The following MACROD2 variants were observed in gnomAD, a reference collection of about 807,000 sequenced individuals.
The protein encoded by MACROD2 is ADP-ribose glycohydrolase MACROD2.
MACROD2 carries 36 observed loss-of-function variants against 70.4 expected under a neutral mutation model. The ratio of observed to expected loss-of-function variants is 0.51; its 90% CI spans 0.39 to 0.68. The LOEUF (loss-of-function observed/expected upper bound fraction) is 0.68. Ranked by LOEUF, MACROD2 falls within the 30% of genes least tolerant of loss-of-function variation. The pLI, the probability that MACROD2 is intolerant of heterozygous loss-of-function variation, is 0.00. For missense variants in MACROD2, 496 were observed against 538.4 expected (o/e 0.92, Z 0.78); for synonymous variants, 172 against 178.8 (o/e 0.96, Z 0.30).
chr20:16,017,598 A>G (rs1355656802), intron 15 of MACROD2, among the ~76,000 whole-genome samples: 2 of 152,010 alleles, frequency 1.3e-5, no homozygotes, highest in Admixed American at 6.6e-5. Context: ...CCACTCTCCA[A>G]TCACAATGGT....
chr20:15,106,216 C>T (rs17357440), intron 5 of MACROD2, among the ~76,000 whole-genome samples: 1 of 152,072 alleles, frequency 6.6e-6, no homozygotes, highest in African/African-American at 2.4e-5. Flanking sequence ...AAACACAACT[C>T]TTAACTCACT....
chr20:15,185,756 C>T (rs762479571), intron 5 of MACROD2, among the ~76,000 whole-genome samples: 8 of 152,168 alleles, frequency 5.3e-5, no homozygotes, highest in African/African-American at 1.9e-4. Context: ...CAGAGGCCAT[C>T]CTCCTGCTTA....
intron 3 of MACROD2, among the ~76,000 whole-genome samples, chr20:14,449,288 G>A (rs1207647469): frequency 6.6e-6 from 1 of 152,082 alleles, no homozygotes; most frequent in Non-Finnish European, 1.5e-5. Context: ...ACTTGGCATT[G>A]TTTTCAAGGA....
intron 8 of MACROD2, among the ~76,000 whole-genome samples, chr20:15,560,762 C>CAAAAAAAAAAAAAAAAAAAAAA (rs71190190): frequency 2.7e-4 from 6 of 22,084 alleles, no homozygotes; most frequent in Non-Finnish European, 4.8e-4. Context: ...AACAAAGTCT[C>CAAAAAAAAAAAAAAAAAAAAAA]AAAAAAAAAA....
intron 5 of MACROD2, among the ~76,000 whole-genome samples, chr20:14,915,603 G>A (rs1318259876): frequency 2.6e-5 from 4 of 152,112 alleles, no homozygotes; most frequent in East Asian, 1.9e-4. Flanking sequence ...CTCGGCGTCC[G>A]AGGAGCGGCT....
chr20:15,801,258 A>C (rs2063723613), intron 8 of MACROD2, among the ~76,000 whole-genome samples: 1 of 151,672 alleles, frequency 6.6e-6, no homozygotes, highest in Non-Finnish European at 1.5e-5. Context: ...TCCCAGGTTG[A>C]AGAAACAGCA....
At chr20:15,867,614 T>C (rs1466368547) in intron 9 of MACROD2, among the ~76,000 whole-genome samples, 1 of 152,210 alleles carries the variant, frequency 6.6e-6, no homozygotes, top group East Asian at 1.9e-4. Context: ...TAGAATTTAT[T>C]GTGTGCAGTT....
At chr20:14,327,383 T>G (rs771566350) in intron 3 of MACROD2, 2 of 1,613,658 alleles carry the variant, frequency 1.2e-6, no homozygotes, top group Non-Finnish European at 1.7e-6. Context: ...TTACAGTAAA[T>G]GAAACCCGCA....
At chr20:15,100,378 A>G (rs959100889) in intron 5 of MACROD2, among the ~76,000 whole-genome samples, 15 of 152,190 alleles carry the variant, frequency 9.9e-5, no homozygotes, top group African/African-American at 3.6e-4. Context: ...CTTAAAATAC[A>G]TATCAGTATC....
At chr20:15,060,512 T>G (rs2075523856) in intron 5 of MACROD2, among the ~76,000 whole-genome samples, 2 of 152,188 alleles carry the variant, frequency 1.3e-5, no homozygotes, top group Admixed American at 1.3e-4. Context: ...CATGCTTCTC[T>G]TGCATGGCTG....
chr20:15,843,270 G>A (rs1212299679), intron 8 of MACROD2, among the ~76,000 whole-genome samples: 1 of 152,148 alleles, frequency 6.6e-6, no homozygotes, highest in African/African-American at 2.4e-5. Context: ...GTTCAAAGAA[G>A]GCAGGAGCTC....
intron 5 of MACROD2, among the ~76,000 whole-genome samples, chr20:14,779,089 T>A (rs953469380): frequency 2.0e-5 from 3 of 152,106 alleles, no homozygotes; most frequent in African/African-American, 4.8e-5. Context: ...CAGCATTAAA[T>A]TGGGCCAGAT....
chr20:14,040,893 A>C (rs2053381003), intron 2 of MACROD2, among the ~76,000 whole-genome samples: 1 of 152,150 alleles, frequency 6.6e-6, no homozygotes, highest in Non-Finnish European at 1.5e-5. Flanking sequence ...TTCTTTGTGG[A>C]ATTTGCCATC....
chr20:15,647,955 G>A (rs996615242), intron 8 of MACROD2, among the ~76,000 whole-genome samples: 6 of 152,142 alleles, frequency 3.9e-5, no homozygotes, highest in Non-Finnish European at 5.9e-5. Flanking sequence ...CTGACCTCAA[G>A]TAATCTGCCC....
chr20:15,109,298 A>C (rs1040903934), intron 5 of MACROD2, among the ~76,000 whole-genome samples: 1 of 152,180 alleles, frequency 6.6e-6, no homozygotes, highest in Non-Finnish European at 1.5e-5. Flanking sequence ...TGAAACTTTA[A>C]TGAGGTGGAT....
intron 2 of MACROD2, among the ~76,000 whole-genome samples, chr20:14,011,805 A>G (rs990880992): frequency 2.0e-5 from 3 of 152,172 alleles, no homozygotes; most frequent in Non-Finnish European, 4.4e-5. Flanking sequence ...CTGAGATTAC[A>G]GGCCTGAGCC....
chr20:14,305,551 T>C (rs1290784650), intron 3 of MACROD2, among the ~76,000 whole-genome samples: 2 of 152,106 alleles, frequency 1.3e-5, no homozygotes, highest in Non-Finnish European at 1.5e-5. Context: ...TATTTCTTGA[T>C]TGGTTTAGTT....
intron 5 of MACROD2, among the ~76,000 whole-genome samples, chr20:14,791,787 A>G (rs1174968555): frequency 6.6e-6 from 1 of 151,884 alleles, no homozygotes. Context: ...CATATAAACA[A>G]TGTATAAATA....
intron 5 of MACROD2, among the ~76,000 whole-genome samples, chr20:14,741,123 A>G (rs1261084943): frequency 6.6e-6 from 1 of 152,226 alleles, no homozygotes; most frequent in East Asian, 1.9e-4. Context: ...CATCATTAAC[A>G]AAGTAAAGTC....
Sources: allele counts gnomAD v4.1 joint callset (sites outside exome capture counted in the v4.1 genomes callset), GRCh38; gene constraint gnomAD v4.1.1; transcripts MANE v1.5; gene names NCBI Gene and HGNC (gene_info 2026-07-23, HGNC 2026-07-21).